Variants in ZBTB38 observed in about 807,000 individuals in gnomAD.
ZBTB38 encodes zinc finger and BTB domain containing 38, also known as zinc finger and BTB domain-containing protein 38.
ZBTB38 carries 20 observed loss-of-function variants against 76.8 expected under a neutral mutation model. That is an observed-to-expected ratio of 0.26 (90% CI 0.18 to 0.38). The LOEUF is 0.38. Ranked by LOEUF, ZBTB38 falls within the 10% of genes least tolerant of loss-of-function variation. The probability of loss-of-function intolerance (pLI) is 1.00; values close to 1 mark genes in which losing one functional copy is unlikely to be tolerated. For synonymous variants in ZBTB38, 504 were observed against 544.2 expected, an observed-to-expected ratio of 0.93 and a Z score of 1.03; for missense variants, 1,082 against 1,482.3, an observed-to-expected ratio of 0.73 and a Z score of 4.43.
At chr3:141,340,754 G>A (rs111753814) in intron 1 of ZBTB38, among the ~76,000 whole-genome samples, 4,625 of 151,598 alleles carry the variant, frequency 0.031, 150 homozygotes, top group East Asian at 0.11. Flanking sequence ...AAAATTAGCC[G>A]GGTGTGGTGG....
rs1015784813 is a variant in ZBTB38 at position 141,445,404 on chromosome 3, A to T, written c.3016A>T (p.Thr1006Ser). ...GNQGRPHRHL[T>S]SRPYACELCA... ...CCAAGGAAGGCCCCACCGACATCTT[A>T]CTTCTCGGCCATATGCCTGCGAGCT... Residue 1006 changes from threonine (T) to serine (S), a missense_variant, in exon 6 of 6, where the codon ACT (threonine) becomes TCT (serine). Around this residue, in one of 8 missense-constraint regions of ZBTB38, gnomAD observed 471 missense variants for 581.0 expected, o/e 0.81. Transcript: ENST00000321464. This position sits in a 1 kb window ranked among gnomAD's most constrained non-coding sequence, Gnocchi z 6.5. 6.2e-7 allele frequency: 1 copy of T among 1,614,062 alleles called. No individual in the cohort carries two copies. The highest frequency in any genetic ancestry group is 1.3e-5 in the African/African-American group (1 of 74,936).
At chr3:141,358,014 A>G (rs1943717780) in intron 1 of ZBTB38, among the ~76,000 whole-genome samples, 1 of 152,216 alleles carries the variant, frequency 6.6e-6, no homozygotes, top group Non-Finnish European at 1.5e-5. Context: ...TGGGAAGGCT[A>G]TTATGGTAGC....
At chr3:141,334,425 C>T (rs796686228) in intron 1 of ZBTB38, among the ~76,000 whole-genome samples, 2 of 126,656 alleles carry the variant, frequency 1.6e-5, no homozygotes, top group African/African-American at 3.4e-5. Context: ...TCCTTCCTTC[C>T]TTCCTTCCTT....
rs144697851 is a variant in ZBTB38 at position 141,374,108 on chromosome 3, C to T, written c.-235+4162C>T. Among the ~76,000 whole-genome samples the T allele has an allele frequency of 3.4e-3, 476 of 141,078 alleles. 4 individuals carry two copies. Among genetic ancestry groups the T allele is most frequent in the African/African-American group, 0.012 (437 of 37,684 alleles). 92.6% of individuals were successfully genotyped at this position (141,078 alleles called of 152,430 possible). ...CTGGGCCACTGTACTCCAGCCTAGG[C>T]AACAGAGGAAAAAAAAAAAAAAGTG... On this transcript the variant is annotated intron_variant, in intron 2 of 5. Coordinates refer to ENST00000321464, the MANE Select transcript of ZBTB38 (RefSeq NM_001376113.1).
At chr3:141,373,908 T>C (rs1944984277) in intron 2 of ZBTB38, among the ~76,000 whole-genome samples, 1 of 152,112 alleles carries the variant, frequency 6.6e-6, no homozygotes, top group African/African-American at 2.4e-5. Flanking sequence ...GGTGCGCAGA[T>C]TGCTTGAGGC....
At chr3:141,362,860 T>C (rs1357808921) in intron 1 of ZBTB38, among the ~76,000 whole-genome samples, 1 of 152,152 alleles carries the variant, frequency 6.6e-6, no homozygotes, top group Non-Finnish European at 1.5e-5. Context: ...TTTTGGTGAC[T>C]AGACTGGGTT....
chr3:141,398,184 G>C (rs1349038627), intron 4 of ZBTB38, among the ~76,000 whole-genome samples: 1 of 152,216 alleles, frequency 6.6e-6, no homozygotes, highest in Non-Finnish European at 1.5e-5. Flanking sequence ...GGTTTTGCAG[G>C]CCCATTTTCT....
chr3:141,345,475 C>T (rs1336815777), intron 1 of ZBTB38, among the ~76,000 whole-genome samples: 1 of 152,150 alleles, frequency 6.6e-6, no homozygotes, highest in Non-Finnish European at 1.5e-5. Context: ...GCTCGGCCTG[C>T]AGCTCATTCT....
chr3:141,420,111 G>A (rs2075022025), intron 5 of ZBTB38, among the ~76,000 whole-genome samples: 1 of 152,194 alleles, frequency 6.6e-6, no homozygotes, highest in African/African-American at 2.4e-5. Context: ...GGAAGGTGGT[G>A]TTCTGCTGGG....
chr3:141,427,876 T>A (rs1309352998), intron 5 of ZBTB38: 4 of 152,468 alleles, frequency 2.6e-5, no homozygotes. Flanking sequence ...CCCATCTTCC[T>A]GAGGCATTTA....
upstream of ZBTB38, chr3:141,366,940 C>G (rs1445326032): frequency 6.6e-6 from 1 of 152,290 alleles, no homozygotes; most frequent in African/African-American, 2.4e-5. Context: ...TCTCACCACC[C>G]CTCCTCGCCT....
At chr3:141,382,936 G>A (rs957331279) in intron 3 of ZBTB38, among the ~76,000 whole-genome samples, 10 of 152,308 alleles carry the variant, frequency 6.6e-5, no homozygotes, top group South Asian at 2.1e-4. Flanking sequence ...GTGGAAAGAC[G>A]TAGACTTTGC....
In ZBTB38 at chr3:141,400,549, C is replaced by G. The variant is rs767492101; in HGVS notation, c.-105-3378C>G. On this transcript the variant is annotated intron_variant, in intron 4 of 5. Coordinates refer to ENST00000321464, the MANE Select transcript of ZBTB38 (RefSeq NM_001376113.1). ...CCCTTTATGTCACTCACCATGTGAC[C>G]CTGGCAGATTACCCATGGAAAATTT... 1.9e-3 allele frequency among the ~76,000 whole-genome samples: 296 copies of G among 152,220 alleles called. 4 individuals carry two copies. The highest frequency in any genetic ancestry group is 2.1e-3 in the East Asian group (11 of 5,182).
intron 1 of ZBTB38, among the ~76,000 whole-genome samples, chr3:141,326,818 C>T (rs1273384053): frequency 2.0e-5 from 3 of 152,110 alleles, no homozygotes; most frequent in Non-Finnish European, 4.4e-5. Flanking sequence ...CAATTCCTCC[C>T]TCTTGAGGGG....
chr3:141,370,191 T>C (rs1391739104), intron 2 of ZBTB38, among the ~76,000 whole-genome samples: 1 of 152,238 alleles, frequency 6.6e-6, no homozygotes, highest in Non-Finnish European at 1.5e-5. Context: ...GGGGCAACTG[T>C]CTTTCATGCA....
At chr3:141,398,750 G>A (rs919051144) in intron 4 of ZBTB38, among the ~76,000 whole-genome samples, 1 of 151,766 alleles carries the variant, frequency 6.6e-6, no homozygotes, top group African/African-American at 2.4e-5. Context: ...TTTAAATGTG[G>A]ATTACTAAAA....
At chr3:141,411,060 A>C (rs2149835237) in intron 5 of ZBTB38, among the ~76,000 whole-genome samples, 1 of 152,184 alleles carries the variant, frequency 6.6e-6, no homozygotes, top group African/African-American at 2.4e-5. Context: ...GCCCTGTTTT[A>C]TTTATGTTAT....
upstream of ZBTB38, chr3:141,367,130 T>C (rs6440001): frequency 0.51 from 77,638 of 152,248 alleles, 22,515 homozygotes; most frequent in African/African-American, 0.8. Context: ...TTTCTGAGTC[T>C]GGAATCTTTG....
intron 1 of ZBTB38, among the ~76,000 whole-genome samples, chr3:141,328,891 C>T (rs901981211): frequency 2.6e-5 from 4 of 152,158 alleles, no homozygotes; most frequent in African/African-American, 9.7e-5. Flanking sequence ...TGTCCTACTC[C>T]TACTTGGTCT....
Sources: allele counts gnomAD v4.1 joint callset (sites outside exome capture counted in the v4.1 genomes callset), GRCh38; gene constraint gnomAD v4.1.1; regional missense constraint gnomAD v4.1.1; non-coding constraint Gnocchi (gnomAD v3.1); transcripts MANE v1.5; gene names NCBI Gene and HGNC (gene_info 2026-07-23, HGNC 2026-07-21).